ERC2: variants seen among roughly 807,000 people sequenced by gnomAD.
The protein encoded by ERC2 is ELKS/RAB6-interacting/CAST family member 2, also known as ERC protein 2.
A neutral mutation model predicts 114.8 loss-of-function variants in ERC2; 42 were observed. The observed-to-expected ratio is 0.37, with a 90% confidence interval of 0.29 to 0.47. The LOEUF (loss-of-function observed/expected upper bound fraction) is 0.47. Ranked by LOEUF, ERC2 falls within the 20% of genes least tolerant of loss-of-function variation. The pLI is 0.99. For synonymous variants in ERC2, 454 were observed against 425.5 expected, an observed-to-expected ratio of 1.07 and a Z score of -0.82; for missense variants, 939 against 1,150.7, an observed-to-expected ratio of 0.82 and a Z score of 2.66.
chr3:55,824,370 T>A (rs2060246474), intron 14 of ERC2, among the ~76,000 whole-genome samples: 1 of 152,188 alleles, frequency 6.6e-6, no homozygotes, highest in South Asian at 2.1e-4. Flanking sequence ...AACACCCATG[T>A]CAGAACAGAG....
At chr3:56,416,525 G>A (rs979547027) in intron 2 of ERC2, among the ~76,000 whole-genome samples, 9 of 151,956 alleles carry the variant, frequency 5.9e-5, no homozygotes, top group African/African-American at 2.2e-4. Context: ...AGCCACTGCA[G>A]CCCCAAATCC....
intron 1 of ERC2, among the ~76,000 whole-genome samples, chr3:56,463,822 C>G (rs1433751392): frequency 6.6e-6 from 1 of 152,180 alleles, no homozygotes; most frequent in Non-Finnish European, 1.5e-5. Flanking sequence ...GCCATTGCAT[C>G]CAAGAAGTCC....
At chr3:56,253,433 G>A (rs965988651) in intron 3 of ERC2, among the ~76,000 whole-genome samples, 4 of 152,046 alleles carry the variant, frequency 2.6e-5, no homozygotes, top group African/African-American at 9.7e-5. Context: ...AACTTCTTTA[G>A]GCACAAAATG....
chr3:56,064,312 G>A (rs2076372924), intron 7 of ERC2, among the ~76,000 whole-genome samples: 1 of 152,162 alleles, frequency 6.6e-6, no homozygotes, highest in Admixed American at 6.6e-5. Context: ...GGCCACCCTT[G>A]TCCATGCCCT....
chr3:55,568,995 T>C (rs1168593877), intron 17 of ERC2, among the ~76,000 whole-genome samples: 1 of 152,128 alleles, frequency 6.6e-6, no homozygotes, highest in Non-Finnish European at 1.5e-5. Flanking sequence ...CCCCTAGATA[T>C]CACCAAAACT....
At chr3:55,928,234 C>A (rs1298250013) in intron 13 of ERC2, among the ~76,000 whole-genome samples, 1 of 152,152 alleles carries the variant, frequency 6.6e-6, no homozygotes, top group Admixed American at 6.5e-5. Context: ...ACCAACAGTG[C>A]GTAAGTCTTC....
intron 16 of ERC2, among the ~76,000 whole-genome samples, chr3:55,691,583 T>A (rs1277351056): frequency 2.0e-4 from 26 of 126,894 alleles, no homozygotes; most frequent in African/African-American, 7.5e-4. Flanking sequence ...AATATATATA[T>A]ATATATATAT....
intron 3 of ERC2, among the ~76,000 whole-genome samples, chr3:56,278,172 A>T (rs187232241): frequency 6.6e-6 from 1 of 152,354 alleles, no homozygotes; most frequent in East Asian, 1.9e-4. Flanking sequence ...CTATCTACTT[A>T]GTAAAGACTG....
intron 17 of ERC2, among the ~76,000 whole-genome samples, chr3:55,552,417 C>T (rs2055274713): frequency 6.6e-6 from 1 of 152,190 alleles, no homozygotes; most frequent in Non-Finnish European, 1.5e-5. Context: ...CTTTTCCCTT[C>T]TTCCTCCCCC....
intron 14 of ERC2, among the ~76,000 whole-genome samples, chr3:55,798,886 A>C (rs1331130891): frequency 6.6e-6 from 1 of 152,254 alleles, no homozygotes; most frequent in Non-Finnish European, 1.5e-5. Flanking sequence ...GGTATGGTAA[A>C]CCAAGAACAT....
At chr3:55,541,105 GC>G (rs949552307) in intron 17 of ERC2, among the ~76,000 whole-genome samples, 5 of 152,108 alleles carry the variant, frequency 3.3e-5, no homozygotes, top group African/African-American at 1.2e-4. Context: ...CTTAACAAAA[GC>G]CCCATTCCTG....
At chr3:55,705,138 T>C (rs1219580887) in intron 15 of ERC2, among the ~76,000 whole-genome samples, 1 of 151,878 alleles carries the variant, frequency 6.6e-6, no homozygotes, top group African/African-American at 2.4e-5. Context: ...TATAAAACCG[T>C]ATAAGAAGAG....
At chr3:55,679,282 G>A (rs1042178445) in intron 17 of ERC2, among the ~76,000 whole-genome samples, 4 of 151,994 alleles carry the variant, frequency 2.6e-5, no homozygotes, top group Non-Finnish European at 4.4e-5. Flanking sequence ...CATGCCTCCC[G>A]GGACCACCTC....
At chr3:55,798,228 G>A (rs985581703) in intron 14 of ERC2, among the ~76,000 whole-genome samples, 3 of 152,050 alleles carry the variant, frequency 2.0e-5, no homozygotes, top group African/African-American at 7.2e-5. Flanking sequence ...TGTGAAGCAG[G>A]ATAAAATAAA....
intron 2 of ERC2, among the ~76,000 whole-genome samples, chr3:56,366,837 T>C: frequency 6.6e-6 from 1 of 152,218 alleles, no homozygotes; most frequent in East Asian, 1.9e-4. Context: ...AACGTTTCTG[T>C]GACTCACCAA....
At chr3:56,387,828 G>A (rs529783515) in intron 2 of ERC2, among the ~76,000 whole-genome samples, 6 of 152,268 alleles carry the variant, frequency 3.9e-5, no homozygotes, top group South Asian at 2.1e-4. Context: ...AGGAGACAGA[G>A]CAAGTCCCCC....
chr3:55,583,524 C>T (rs2057412676), intron 17 of ERC2, among the ~76,000 whole-genome samples: 2 of 50,352 alleles, frequency 4.0e-5, no homozygotes, highest in African/African-American at 7.9e-5. Flanking sequence ...TCCCTCCCTC[C>T]CTTCCTTCCT....
chr3:55,999,840 C>A (rs2071892508), intron 10 of ERC2, among the ~76,000 whole-genome samples: 1 of 151,246 alleles, frequency 6.6e-6, no homozygotes, highest in African/African-American at 2.4e-5. Flanking sequence ...AAATTAAAAT[C>A]AACAATTTTG....
intron 3 of ERC2, among the ~76,000 whole-genome samples, chr3:56,267,023 C>A (rs768532569): frequency 1.3e-5 from 2 of 152,098 alleles, no homozygotes; most frequent in Non-Finnish European, 2.9e-5. Context: ...GGTTGAGAAT[C>A]CCTTATCCAA....
Sources: allele counts gnomAD v4.1 joint callset (sites outside exome capture counted in the v4.1 genomes callset), GRCh38; gene constraint gnomAD v4.1.1; transcripts MANE v1.5; gene names NCBI Gene and HGNC (gene_info 2026-07-23, HGNC 2026-07-21).